The following PATJ variants were observed in gnomAD, a reference collection of about 807,000 sequenced individuals.
PATJ encodes the protein PATJ crumbs cell polarity complex component.
Under a neutral mutation model 224.9 loss-of-function variants are expected in PATJ, and 190 were observed. That is an observed-to-expected ratio of 0.84 (90% CI 0.75 to 0.95). PATJ has a LOEUF of 0.95. Among genes scored for constraint, PATJ ranks in the 40% least tolerant of loss-of-function variants. PATJ has a pLI of 0.00. For synonymous variants in PATJ, 769 were observed against 820.3 expected, an observed-to-expected ratio of 0.94 and a Z score of 1.07; for missense variants, 2,121 against 2,270.3, an observed-to-expected ratio of 0.93 and a Z score of 1.34.
intron 4 of PATJ, among the ~76,000 whole-genome samples, chr1:61,768,149 G>C (rs1200103360): frequency 6.6e-6 from 1 of 151,996 alleles, no homozygotes; most frequent in African/African-American, 2.4e-5. Context: ...GGCCTTTTCA[G>C]AGTCTTTTGA....
intron 41 of PATJ, among the ~76,000 whole-genome samples, chr1:62,143,226 A>G (rs1667673616): frequency 6.6e-6 from 1 of 152,172 alleles, no homozygotes. Flanking sequence ...ACCAGCCAGC[A>G]CACCAGTATT....
At chr1:62,141,167 A>T (rs1327287705) in intron 41 of PATJ, among the ~76,000 whole-genome samples, 3 of 152,064 alleles carry the variant, frequency 2.0e-5, no homozygotes, top group Non-Finnish European at 4.4e-5. Flanking sequence ...AATATGGCCT[A>T]TAAACTCTGT....
At chr1:62,155,631 T>C (rs1669104848) in intron 43 of PATJ, among the ~76,000 whole-genome samples, 1 of 150,222 alleles carries the variant, frequency 6.7e-6, no homozygotes, top group African/African-American at 2.5e-5. Flanking sequence ...AGATATTGAA[T>C]ATTCTTCATG....
rs1187823112 is a variant in PATJ at position 62,128,957 on chromosome 1, A to G, written c.5271+12A>G. 1 of 1,557,480 alleles carries G rather than the reference A, an allele frequency of 6.4e-7. No homozygotes were observed. The highest frequency in any genetic ancestry group is 8.9e-7 in the Non-Finnish European group (1 of 1,129,250). On this transcript the variant is annotated intron_variant, in intron 41 of 43. Transcript: ENST00000642238. ...GCATTATCCTGCAGGTATTGCGATC[A>G]ACGGAGCACGCAGCTGTGCAAGGCA...
At chr1:62,043,230 AATATTTTATTCCT>A (rs1258036957) in intron 30 of PATJ, among the ~76,000 whole-genome samples, 2 of 152,144 alleles carry the variant, frequency 1.3e-5, no homozygotes, top group Non-Finnish European at 2.9e-5. Context: ...CAGGTGTAAA[AATATTTTATTCCT>A]ACAGCTATAT....
chr1:62,091,084 A>G (rs560374247), intron 33 of PATJ, among the ~76,000 whole-genome samples: 41 of 152,308 alleles, frequency 2.7e-4, no homozygotes, highest in African/African-American at 7.5e-4. Flanking sequence ...CCCTCTTTCT[A>G]TGCATTTTCC....
At chr1:62,024,657 AACACACACACACACACAC>A (rs10605703) in intron 29 of PATJ, among the ~76,000 whole-genome samples, 1,145 of 107,726 alleles carry the variant, frequency 0.011, 23 homozygotes, top group South Asian at 0.032. Flanking sequence ...CCCACCTCCC[AACACACACACACACACAC>A]ACACACACAC....
At chr1:61,795,612 C>A in intron 10 of PATJ, 54 bp downstream of exon 10, 2 of 1,072,784 alleles carry the variant, frequency 1.9e-6, no homozygotes, top group Non-Finnish European at 1.4e-6. Flanking sequence ...AAAGGTTGAT[C>A]ATTATTATAA....
chr1:61,840,034 A>G (rs1660828658), intron 17 of PATJ, among the ~76,000 whole-genome samples: 1 of 152,042 alleles, frequency 6.6e-6, no homozygotes, highest in South Asian at 2.1e-4. Flanking sequence ...ATAAAAATTG[A>G]CAGTTATTAA....
At chr1:62,077,819 T>A (rs1553259635) in intron 31 of PATJ, among the ~76,000 whole-genome samples, 1 of 152,336 alleles carries the variant, frequency 6.6e-6, no homozygotes, top group Middle Eastern at 3.4e-3. Flanking sequence ...TGACTTCCGG[T>A]TCTACCTCTT....
chr1:61,813,353 A>G (rs976183672), intron 14 of PATJ, among the ~76,000 whole-genome samples: 2 of 42,410 alleles, frequency 4.7e-5, no homozygotes, highest in East Asian at 4.1e-4. Flanking sequence ...ATATATATAT[A>G]TATATATATA....
intron 18 of PATJ, among the ~76,000 whole-genome samples, chr1:61,856,934 A>G (rs1663771026): frequency 6.6e-6 from 1 of 152,152 alleles, no homozygotes; most frequent in Admixed American, 6.6e-5. Context: ...TTTAACTTTC[A>G]TTTGGGAATG....
intron 42 of PATJ, among the ~76,000 whole-genome samples, chr1:62,152,811 G>A (rs977921220): frequency 6.6e-5 from 10 of 152,080 alleles, no homozygotes; most frequent in African/African-American, 1.9e-4. Flanking sequence ...AGGATGTGAC[G>A]ACAGCTTCCT....
intron 14 of PATJ, among the ~76,000 whole-genome samples, chr1:61,813,390 CACACACACAT>C (rs1655359451): frequency 1.5e-5 from 2 of 136,216 alleles, no homozygotes; most frequent in South Asian, 4.8e-4. Context: ...CACACACACA[CACACACACAT>C]ACACACATAT....
rs915547549 is a variant in PATJ at position 61,895,822 on chromosome 1, C to A, written c.3132-3761C>A. On this transcript the variant is annotated intron_variant, in intron 22 of 43. Transcript: ENST00000642238. ...CCCAGAATGGTATCTCCACTGGCAG[C>A]TTGCATATGCAGCTGGAAAAGCTGT... Among the ~76,000 whole-genome samples, 3 of 152,168 alleles carry A rather than the reference C, an allele frequency of 2.0e-5. No individual in the cohort carries two copies. In the East Asian group the frequency reaches 5.8e-4, roughly 29 times the overall value.
intron 29 of PATJ, among the ~76,000 whole-genome samples, chr1:62,021,630 T>C (rs569772241): frequency 1.3e-5 from 2 of 152,322 alleles, no homozygotes; most frequent in African/African-American, 2.4e-5. Context: ...ACAAAATTCC[T>C]CATACGTCAG....
chr1:62,155,381 G>A (rs1669078367), intron 43 of PATJ, among the ~76,000 whole-genome samples: 1 of 152,136 alleles, frequency 6.6e-6, no homozygotes, highest in Admixed American at 6.6e-5. Flanking sequence ...CCTTTTGATG[G>A]CACCAGAACA....
Position 62,032,021 on chromosome 1 carries a change from G to A in PATJ, c.3960-5956G>A, listed in dbSNP as rs74965176. Among the ~76,000 whole-genome samples, 267 of 152,124 alleles carry A rather than the reference G, an allele frequency of 1.8e-3. 2 individuals are homozygous for A. In the East Asian group the frequency reaches 0.047, roughly 27 times the overall value. On this transcript the variant is annotated intron_variant, in intron 29 of 43. Coordinates refer to ENST00000642238, the MANE Select transcript of PATJ (RefSeq NM_001350145.3). ...ATGTGACAAATTACCAAAATTGAAC[G>A]GCAGAAAACAATACCTGTTTATTGG...
chr1:62,125,038 C>T (rs1291633040), intron 39 of PATJ, among the ~76,000 whole-genome samples: 1 of 151,810 alleles, frequency 6.6e-6, no homozygotes, highest in African/African-American at 2.4e-5. Context: ...CCAGCCTGGG[C>T]AACATGGGGA....
Sources: gnomAD v4.1 joint callset for allele counts (sites outside exome capture counted in the v4.1 genomes callset) on GRCh38, gnomAD v4.1.1 for gene constraint, MANE v1.5 for transcripts, NCBI Gene and HGNC (gene_info 2026-07-23, HGNC 2026-07-21) for gene names.